PCNP: variants seen among roughly 807,000 people sequenced by gnomAD.
PCNP encodes PEST proteolytic signal containing nuclear protein.
In PCNP, 6 loss-of-function variants were observed where a neutral mutation model predicts 21.8. The ratio of observed to expected loss-of-function variants is 0.28; its 90% CI spans 0.15 to 0.54. The LOEUF is 0.54. Ranked by LOEUF, PCNP falls within the 20% of genes least tolerant of loss-of-function variation. The pLI is 0.95. For synonymous variants in PCNP, 67 were observed against 73.2 expected (o/e 0.92, Z 0.43); for missense variants, 161 against 215.5 (o/e 0.75, Z 1.58).
chr3:101,574,143 C>CA, upstream of PCNP: 1 of 1,520,380 alleles, frequency 6.6e-7, no homozygotes, highest in Non-Finnish European at 8.9e-7. Context: ...CGGCTGGCCC[C>CA]AAAAACTCGA....
intron 3 of PCNP, chr3:101,589,926 GACAT>G (rs1475228753): frequency 2.9e-6 from 1 of 345,712 alleles, no homozygotes; most frequent in African/African-American, 2.2e-5. Context: ...TAAGAGATAG[GACAT>G]ACACAAACAA....
chr3:101,586,213 T>C (rs1935495004), intron 3 of PCNP, among the ~76,000 whole-genome samples: 1 of 149,232 alleles, frequency 6.7e-6, no homozygotes, highest in Admixed American at 6.7e-5. Flanking sequence ...ACTATTGTGC[T>C]CACTTCCCAT....
chr3:101,574,549 C>CA (rs1289821682), intron 1 of PCNP, among the ~76,000 whole-genome samples: 2 of 152,284 alleles, frequency 1.3e-5, no homozygotes, highest in East Asian at 3.9e-4. Context: ...AGATGGGCGC[C>CA]AGAAAGGGAG....
chr3:101,576,670 C>T (rs886709299), intron 1 of PCNP: 68 of 1,612,090 alleles, frequency 4.2e-5, no homozygotes, highest in Non-Finnish European at 5.6e-5. Context: ...GCTATATTTT[C>T]CATCCTTTAC....
chr3:101,587,645 C>G (rs13070567), intron 3 of PCNP, among the ~76,000 whole-genome samples: 21,226 of 150,448 alleles, frequency 0.14, 1,570 homozygotes, highest in South Asian at 0.2. Flanking sequence ...ATACTAGATG[C>G]AGCAGCATGT....
At chr3:101,584,214 C>G (rs569832025) in intron 2 of PCNP, among the ~76,000 whole-genome samples, 40 of 152,222 alleles carry the variant, frequency 2.6e-4, no homozygotes, top group African/African-American at 9.1e-4. Context: ...TAGGGGTAGA[C>G]ATAGGATTAG....
At chr3:101,586,571 T>TGTGTGAGAGAGA in intron 3 of PCNP, among the ~76,000 whole-genome samples, 1 of 114,142 alleles carries the variant, frequency 8.8e-6, no homozygotes, top group African/African-American at 3.0e-5. Flanking sequence ...TGTGTGTGTG[T>TGTGTGAGAGAGA]GAGAGAGAGA....
rs181452527 is a variant in PCNP, at chr3:101,592,551, G to A, written c.411-76G>A. 23 of 1,184,294 alleles carry A rather than the reference G, an allele frequency of 1.9e-5. No individual in the cohort carries two copies. In the East Asian group the frequency reaches 5.3e-4, roughly 27 times the overall value. 73.4% of individuals were successfully genotyped at this position (1,184,294 alleles called of 1,614,324 possible). On this transcript the variant is annotated intron_variant, in intron 4 of 4. Transcript: ENST00000265260. ...TTTATAATAGGTGCTAAACAAACATGTATTGAATGAATCAAAATCATAACC... is the reference window on the plus strand; with the variant it reads ...TTTATAATAGGTGCTAAACAAACATATATTGAATGAATCAAAATCATAACC...
intron 2 of PCNP, among the ~76,000 whole-genome samples, chr3:101,582,360 G>A (rs1389060816): frequency 1.3e-5 from 2 of 152,164 alleles, no homozygotes; most frequent in African/African-American, 2.4e-5. Context: ...GGCTGAGGCA[G>A]GAGAATTGCT....
intron 3 of PCNP, among the ~76,000 whole-genome samples, chr3:101,586,571 T>TGTGTGTGTGA: frequency 0.021 from 2,422 of 114,128 alleles, 60 homozygotes; most frequent in African/African-American, 0.051. Flanking sequence ...TGTGTGTGTG[T>TGTGTGTGTGA]GAGAGAGAGA....
chr3:101,589,407 T>G (rs1935690563), intron 3 of PCNP, among the ~76,000 whole-genome samples: 1 of 43,678 alleles, frequency 2.3e-5, no homozygotes, highest in African/African-American at 5.8e-5. Flanking sequence ...AGGAATGAGC[T>G]CTCTTTTTTT....
At chr3:101,586,805 G>A (rs1935551799) in intron 3 of PCNP, among the ~76,000 whole-genome samples, 1 of 151,912 alleles carries the variant, frequency 6.6e-6, no homozygotes, top group Non-Finnish European at 1.5e-5. Context: ...CTCTGCCTTG[G>A]CCTCCCATAA....
At position 101,577,001 on chromosome 3, in the gene PCNP, A is replaced by AT; in HGVS notation, c.64+2727dup. Reference sequence around the variant, plus strand: ...CCTCCTGTGGAGGAGCAATTTTTGTATTTTTAGTAGAGACGAGATTTCACC... The same window carrying AT: ...CCTCCTGTGGAGGAGCAATTTTTGTATTTTTTAGTAGAGACGAGATTTCACC... On this transcript the variant is annotated intron_variant, in intron 1 of 4. Transcript: ENST00000265260. The AT allele has an allele frequency of 5.9e-6, 5 of 845,814 alleles. No individual in the cohort carries two copies. In the South Asian group the frequency reaches 6.6e-5, roughly 11 times the overall value. The allele number at this position is 845,814 out of a possible 1,614,324, so 52.4% of individuals were successfully genotyped here. A position where few individuals can be genotyped will look rare whatever the true frequency, so the allele number is the denominator to read the frequency against.
chr3:101,574,634 AAC>A (rs1335993120), intron 1 of PCNP, among the ~76,000 whole-genome samples: 1 of 152,064 alleles, frequency 6.6e-6, no homozygotes, highest in Non-Finnish European at 1.5e-5. Context: ...CATCACACAA[AAC>A]ACACACACCG....
intron 1 of PCNP, 134 bp downstream of exon 1, chr3:101,574,413 C>A: frequency 8.8e-7 from 1 of 1,130,192 alleles, no homozygotes; most frequent in Non-Finnish European, 1.2e-6. Context: ...GGGCCCAGAC[C>A]TGCCTCGGGC....
At chr3:101,580,393 T>G (rs573837136) in intron 2 of PCNP, among the ~76,000 whole-genome samples, 2 of 152,248 alleles carry the variant, frequency 1.3e-5, no homozygotes, top group Admixed American at 1.3e-4. Flanking sequence ...TAGCAAGATC[T>G]ATCTCTACAA....
intron 3 of PCNP, among the ~76,000 whole-genome samples, chr3:101,587,684 A>G (rs556164076): frequency 7.3e-4 from 111 of 151,410 alleles, no homozygotes; most frequent in African/African-American, 2.4e-3. Context: ...CAGTTGGAAG[A>G]CCTGAATTAA....
At chr3:101,580,779 ACTTGTTT>A (rs1190923113) in intron 2 of PCNP, among the ~76,000 whole-genome samples, 12 of 152,230 alleles carry the variant, frequency 7.9e-5, no homozygotes, top group African/African-American at 2.9e-4. Context: ...AGTTGTAGAT[ACTTGTTT>A]CTGACCTATA....
intron 1 of PCNP, chr3:101,576,649 G>A: frequency 6.2e-7 from 1 of 1,611,762 alleles, no homozygotes; most frequent in Non-Finnish European, 8.5e-7. Context: ...CAGACCATTG[G>A]CTAGGACCTG....
Sources: allele counts gnomAD v4.1 joint callset (sites outside exome capture counted in the v4.1 genomes callset), GRCh38; gene constraint gnomAD v4.1.1; transcripts MANE v1.5; gene names NCBI Gene and HGNC (gene_info 2026-07-23, HGNC 2026-07-21).